PPP3CA: variants seen among roughly 807,000 people sequenced by gnomAD.
PPP3CA encodes the protein CAM-PRP catalytic subunit.
Under a neutral mutation model 66.5 loss-of-function variants are expected in PPP3CA, and 14 were observed. The ratio of observed to expected loss-of-function variants is 0.21; its 90% CI spans 0.14 to 0.33. The LOEUF is 0.33. PPP3CA is among the 10% of genes least tolerant of loss of function. The pLI, the probability that PPP3CA is intolerant of heterozygous loss-of-function variation, is 1.00. For synonymous variants in PPP3CA, 232 were observed against 226.2 expected, an observed-to-expected ratio of 1.03 and a Z score of -0.23; for missense variants, 317 against 639.5, an observed-to-expected ratio of 0.50 and a Z score of 5.44.
chr4:101,197,404 T>C (rs116145002), intron 1 of PPP3CA, among the ~76,000 whole-genome samples: 77 of 152,382 alleles, frequency 5.1e-4, no homozygotes, highest in African/African-American at 1.8e-3. Context: ...CACATCTATT[T>C]CACTATGCTG....
intron 2 of PPP3CA, among the ~76,000 whole-genome samples, chr4:101,115,437 CTT>C (rs1721810892): frequency 6.6e-6 from 1 of 151,830 alleles, no homozygotes; most frequent in Non-Finnish European, 1.5e-5. Flanking sequence ...AAGAACCAAT[CTT>C]GTTTTATGTA....
chr4:101,219,944 C>T (rs914939111), intron 1 of PPP3CA, among the ~76,000 whole-genome samples: 2 of 151,696 alleles, frequency 1.3e-5, no homozygotes, highest in Admixed American at 6.6e-5. Flanking sequence ...TGTTACTGAA[C>T]GTCCATAATG....
At chr4:101,292,874 A>G (rs979717518) in intron 1 of PPP3CA, among the ~76,000 whole-genome samples, 3 of 152,188 alleles carry the variant, frequency 2.0e-5, no homozygotes, top group Non-Finnish European at 4.4e-5. Context: ...TCTAGTTTGT[A>G]TTGTTTTTCC....
intron 2 of PPP3CA, among the ~76,000 whole-genome samples, chr4:101,149,941 G>A (rs1723086332): frequency 6.6e-6 from 1 of 152,120 alleles, no homozygotes; most frequent in Non-Finnish European, 1.5e-5. Context: ...TTTTAAAGAT[G>A]AGTAAACTAA....
intron 10 of PPP3CA, among the ~76,000 whole-genome samples, chr4:101,056,612 T>C (rs1413204272): frequency 6.6e-6 from 1 of 152,130 alleles, no homozygotes; most frequent in Admixed American, 6.5e-5. Context: ...AAATGACTCA[T>C]GAAGGGATAG....
chr4:101,247,171 C>CT (rs879859426), intron 1 of PPP3CA, among the ~76,000 whole-genome samples: 88 of 144,108 alleles, frequency 6.1e-4, no homozygotes, highest in Middle Eastern at 7.1e-3. Context: ...TTCGTTTTTT[C>CT]TTTTTTTTTT....
chr4:101,315,741 A>T (rs1728865042), intron 1 of PPP3CA, among the ~76,000 whole-genome samples: 1 of 152,238 alleles, frequency 6.6e-6, no homozygotes, highest in African/African-American at 2.4e-5. Context: ...TGGCAATTCC[A>T]CAAAGTCATC....
At chr4:101,171,629 T>C (rs181054700) in intron 2 of PPP3CA, among the ~76,000 whole-genome samples, 69 of 152,248 alleles carry the variant, frequency 4.5e-4, no homozygotes, top group Middle Eastern at 6.8e-3. Context: ...CCAGTAGGCA[T>C]AAGGCTGGAT....
intron 1 of PPP3CA, among the ~76,000 whole-genome samples, chr4:101,282,905 T>C (rs1465051398): frequency 1.3e-5 from 2 of 152,210 alleles, no homozygotes; most frequent in East Asian, 1.9e-4. Flanking sequence ...TAAGCAGCCA[T>C]TTTAAGTAAA....
At chr4:101,343,537 T>C (rs1311315212) in intron 1 of PPP3CA, among the ~76,000 whole-genome samples, 1 of 152,098 alleles carries the variant, frequency 6.6e-6, no homozygotes, top group African/African-American at 2.4e-5. Context: ...AAACGGACCA[T>C]ATTATTTTGA....
In PPP3CA at chr4:101,142,050, T is replaced by TAA. The variant is rs34130592; in HGVS notation, c.260-32974_260-32973dup. On this transcript the variant is annotated intron_variant, in intron 2 of 13. Coordinates refer to ENST00000394854, the MANE Select transcript of PPP3CA (RefSeq NM_000944.5). Reference sequence around the variant, plus strand: ...ACACCATTTAGAGGAGGAAACAAGGTAAAAAAAAAAAAAAAAGAAGAAGTT... The same window carrying TAA: ...ACACCATTTAGAGGAGGAAACAAGGTAAAAAAAAAAAAAAAAAAGAAGAAGTT... 1.9e-3 allele frequency among the ~76,000 whole-genome samples: 251 copies of TAA among 133,140 alleles called. 1 individual carries two copies. Among genetic ancestry groups the TAA allele is most frequent in the African/African-American group, 2.7e-3 (105 of 38,422 alleles). The allele number at this position is 133,140 out of a possible 152,430, so 87.3% of individuals were successfully genotyped here.
intron 2 of PPP3CA, among the ~76,000 whole-genome samples, chr4:101,166,714 C>T (rs933691501): frequency 6.6e-6 from 1 of 152,094 alleles, no homozygotes. Flanking sequence ...TTTAGTTCAT[C>T]ATTTAAAAGA....
chr4:101,059,959 T>C (rs1728390127), intron 10 of PPP3CA, among the ~76,000 whole-genome samples: 1 of 152,114 alleles, frequency 6.6e-6, no homozygotes, highest in Non-Finnish European at 1.5e-5. Context: ...AACTGTATTA[T>C]TTACGGAAAA....
rs573656781 is a variant in PPP3CA at position 101,039,959 on chromosome 4, TTAA to T, written c.1241+520_1241+522del. 1.7e-4 allele frequency among the ~76,000 whole-genome samples: 18 copies of T among 107,436 alleles called. 2 individuals carry two copies. The South Asian group carries it at 3.1e-3, about 19-fold the overall frequency. 70.5% of individuals were successfully genotyped at this position (107,436 alleles called of 152,430 possible). On this transcript the variant is annotated intron_variant, in intron 11 of 13. Coordinates refer to ENST00000394854, the MANE Select transcript of PPP3CA (RefSeq NM_000944.5). ...AAATATTTGTTTTCTAAATTAATGC[TTAA>T]TAATAATAATATGATTCATAATCTA...
At chr4:101,136,077 T>A (rs1439718459) in intron 2 of PPP3CA, among the ~76,000 whole-genome samples, 1 of 152,254 alleles carries the variant, frequency 6.6e-6, no homozygotes, top group African/African-American at 2.4e-5. Context: ...ATAAGACATA[T>A]GATTAGTTTA....
At chr4:101,117,032 T>C (rs940994567) in intron 2 of PPP3CA, among the ~76,000 whole-genome samples, 8 of 151,758 alleles carry the variant, frequency 5.3e-5, no homozygotes, top group Non-Finnish European at 7.4e-5. Flanking sequence ...TAAAATCAAA[T>C]ACAAAACAAT....
intron 1 of PPP3CA, among the ~76,000 whole-genome samples, chr4:101,254,532 A>C (rs1272938875): frequency 6.6e-6 from 1 of 151,896 alleles, no homozygotes; most frequent in East Asian, 1.9e-4. Flanking sequence ...ATAGTTCCTG[A>C]CAATATCTCT....
At chr4:101,051,193 A>G (rs1310397842) in intron 10 of PPP3CA, among the ~76,000 whole-genome samples, 1 of 152,210 alleles carries the variant, frequency 6.6e-6, no homozygotes, top group Non-Finnish European at 1.5e-5. Context: ...AAGAATAAAG[A>G]GGAAAAAATT....
At chr4:101,341,715 G>A (rs1207364726) in intron 1 of PPP3CA, among the ~76,000 whole-genome samples, 1 of 152,074 alleles carries the variant, frequency 6.6e-6, no homozygotes, top group Non-Finnish European at 1.5e-5. Flanking sequence ...TATACCAGTG[G>A]AATTACAGAA....
Sources: gnomAD v4.1 joint callset for allele counts (sites outside exome capture counted in the v4.1 genomes callset) on GRCh38, gnomAD v4.1.1 for gene constraint, MANE v1.5 for transcripts, NCBI Gene and HGNC (gene_info 2026-07-23, HGNC 2026-07-21) for gene names.